Variants in BIVM observed in about 807,000 individuals in gnomAD.
BIVM encodes basic, immunoglobulin-like variable motif containing, also known as basic immunoglobulin-like variable motif-containing protein.
Under a neutral mutation model 61.4 loss-of-function variants are expected in BIVM, and 31 were observed. That is an observed-to-expected ratio of 0.51 (90% confidence interval 0.38 to 0.68). The LOEUF is 0.68. BIVM is among the 30% of genes least tolerant of loss of function. The pLI, the probability that BIVM is intolerant of heterozygous loss-of-function variation, is 0.00. For synonymous variants in BIVM, 189 were observed against 210.7 expected (o/e 0.90, Z 0.89); for missense variants, 526 against 596.0 (o/e 0.88, Z 1.22).
At chr13:102,829,264 T>C (rs1880890068) in intron 7 of BIVM, among the ~76,000 whole-genome samples, 1 of 152,104 alleles carries the variant, frequency 6.6e-6, no homozygotes. Context: ...AGAAACATAA[T>C]CTCAAAGGGA....
At chr13:102,831,886 A>C (rs1881108186) in intron 8 of BIVM, among the ~76,000 whole-genome samples, 189 bp downstream of exon 8, 1 of 151,398 alleles carries the variant, frequency 6.6e-6, no homozygotes, top group Admixed American at 6.6e-5. Flanking sequence ...AAAAAAAAAA[A>C]AAAAAAAAAT....
rs535548993 is a variant in BIVM, at chr13:102,833,480, A to G, written c.1035-986A>G. ...GTAGCTGGAACTACAGGTACACACC[A>G]CCATACTTGGCTAATTTTGAGATGG... is the stretch of plus-strand genomic sequence containing the variant. On this transcript the variant is annotated intron_variant, in intron 8 of 10. Coordinates refer to ENST00000257336, the MANE Select transcript of BIVM (RefSeq NM_017693.4). Among the ~76,000 whole-genome samples, 288 of 151,868 alleles carry G rather than the reference A, an allele frequency of 1.9e-3. 3 individuals carry two copies. The highest frequency in any genetic ancestry group is 6.7e-3 in the African/African-American group (278 of 41,412).
intron 3 of BIVM, among the ~76,000 whole-genome samples, chr13:102,808,833 G>A (rs1879285424): frequency 6.6e-6 from 1 of 152,060 alleles, no homozygotes; most frequent in African/African-American, 2.4e-5. Flanking sequence ...AAATTTGGGG[G>A]CTTAAAGTTA....
intron 5 of BIVM, 62 bp downstream of exon 5, chr13:102,821,194 T>C (rs759900997): frequency 2.9e-5 from 42 of 1,433,624 alleles, no homozygotes; most frequent in Non-Finnish European, 3.8e-5. Context: ...GCTTTTTCTA[T>C]AACAGAAAAA....
chr13:102,831,088 G>A (rs1042074470), intron 7 of BIVM, among the ~76,000 whole-genome samples: 4 of 152,070 alleles, frequency 2.6e-5, no homozygotes, highest in African/African-American at 7.2e-5. Context: ...ATATATATTA[G>A]AACTTCTATA....
At chr13:102,808,153 T>C (rs975020042) in intron 3 of BIVM, among the ~76,000 whole-genome samples, 4 of 152,200 alleles carry the variant, frequency 2.6e-5, no homozygotes, top group African/African-American at 9.7e-5. Flanking sequence ...TAGCTTTTTT[T>C]GTTGTTAAAA....
intron 7 of BIVM, among the ~76,000 whole-genome samples, chr13:102,828,631 T>C (rs1400303526): frequency 6.6e-6 from 1 of 152,194 alleles, no homozygotes; most frequent in Non-Finnish European, 1.5e-5. Flanking sequence ...CTTTCCTCTT[T>C]AGGAGCTGTT....
intron 3 of BIVM, among the ~76,000 whole-genome samples, chr13:102,812,573 C>T (rs1879573786): frequency 6.6e-6 from 1 of 152,094 alleles, no homozygotes; most frequent in African/African-American, 2.4e-5. Context: ...TGGTAATCAA[C>T]CTGAGGTATA....
chr13:102,806,206 T>A (rs939898858), intron 2 of BIVM, among the ~76,000 whole-genome samples: 1 of 152,208 alleles, frequency 6.6e-6, no homozygotes, highest in African/African-American at 2.4e-5. Context: ...GATTTGTATT[T>A]CCATGATGGC....
intron 3 of BIVM, among the ~76,000 whole-genome samples, chr13:102,813,494 AT>A (rs1879641736): frequency 6.6e-6 from 1 of 152,132 alleles, no homozygotes; most frequent in Non-Finnish European, 1.5e-5. Context: ...TTACAAGAGC[AT>A]TTTATCTATG....
At position 102,821,743 on chromosome 13, in the gene BIVM, C is replaced by T. The variant is rs377757672; in HGVS notation, c.702C>T (p.Asn234=). ...AAGGCAATGAATGTTTCTTTTGTAG[C>T]CTTCCACCTATTACCCAAGAAGAAG... ...NFLYSTMGAG[N]LPPITQEEAL... is the part of the protein sequence containing the mutation. Residue 234 remains asparagine, a splice_region_variant and synonymous_variant, in exon 6 of 11, where the codon AAC becomes AAT. Coordinates refer to ENST00000257336, the MANE Select transcript of BIVM (RefSeq NM_017693.4). 4 of 1,612,108 alleles carry T rather than the reference C, an allele frequency of 2.5e-6. No individual in the cohort carries two copies. The East Asian group carries it at 8.9e-5, about 36-fold the overall frequency.
chr13:102,831,390 G>A (rs1881056055), intron 7 of BIVM, among the ~76,000 whole-genome samples, 175 bp from the exon 8 acceptor site: 1 of 152,192 alleles, frequency 6.6e-6, no homozygotes. Context: ...GAGTAAAACA[G>A]AATACATTTA....
In BIVM at chr13:102,799,623, G is replaced by A. The variant is rs867880343; in HGVS notation, c.-207+102G>A. On this transcript the variant is annotated intron_variant, in intron 1 of 10. Coordinates refer to ENST00000257336, the MANE Select transcript of BIVM (RefSeq NM_017693.4). ...CTGGGCGCCGCCAGCCCGGCCTGCT[G>A]CCGCTCTACGCGCAGCCACCTGGGC... 3.9e-5 allele frequency: 6 copies of A among 152,254 alleles called. No individual in the cohort carries two copies. In the South Asian group the frequency reaches 6.2e-4, roughly 16 times the overall value. The allele number at this position is 152,254 out of a possible 1,614,324, so 9.4% of individuals were successfully genotyped here.
At position 102,841,091 on chromosome 13, in the gene BIVM, T is replaced by G. The variant is rs1328618427; in HGVS notation, c.*1226T>G. Reference sequence around the variant, plus strand: ...AGCTGTTTGAAGTGAGTATTAAATATTTCAGAAGTGTGAATTTCATGTATT... The same window carrying G: ...AGCTGTTTGAAGTGAGTATTAAATAGTTCAGAAGTGTGAATTTCATGTATT... On this transcript the variant is annotated 3_prime_UTR_variant, in exon 11 of 11. Transcript: ENST00000257336. The G allele has an allele frequency of 6.6e-6, 1 of 152,656 alleles. No homozygotes were observed. The highest frequency in any genetic ancestry group is 1.5e-5 in the Non-Finnish European group (1 of 68,040). The allele number at this position is 152,656 out of a possible 1,614,324, so 9.5% of individuals were successfully genotyped here.
chr13:102,799,967 G>A (rs1046658896), intron 1 of BIVM, among the ~76,000 whole-genome samples: 1 of 152,150 alleles, frequency 6.6e-6, no homozygotes, highest in Non-Finnish European at 1.5e-5. Context: ...GCCAGCACCC[G>A]GGTCTGGGCC....
intron 1 of BIVM, among the ~76,000 whole-genome samples, chr13:102,802,974 C>T (rs993342964): frequency 1.5e-4 from 22 of 151,702 alleles, no homozygotes; most frequent in Non-Finnish European, 3.1e-4. Context: ...GGAAGCTTAC[C>T]CCCAACTTTT....
chr13:102,839,907 C>G lies in BIVM; in HGVS notation c.*42C>G, dbSNP rs747317953. 3 of 1,566,112 alleles carry G rather than the reference C, an allele frequency of 1.9e-6. No individual in the cohort carries two copies. Among genetic ancestry groups the G allele is most frequent in the Non-Finnish European group, 2.6e-6 (3 of 1,157,300 alleles). The stretch of plus-strand genomic sequence containing the variant: ...ACAGCTGGCATTATATATGAAACTG[C>G]TATATACAGGACTGTATAAAGACAG... On this transcript the variant is annotated 3_prime_UTR_variant, in exon 11 of 11. Transcript: ENST00000257336.
At chr13:102,817,172 A>G (rs2139187857) in intron 4 of BIVM, among the ~76,000 whole-genome samples, 1 of 152,176 alleles carries the variant, frequency 6.6e-6, no homozygotes, top group East Asian at 1.9e-4. Context: ...TAAAAATTCT[A>G]TTATTTTAAT....
chr13:102,823,706 G>A (rs1198883593), intron 7 of BIVM, among the ~76,000 whole-genome samples: 2 of 152,134 alleles, frequency 1.3e-5, no homozygotes, highest in Non-Finnish European at 2.9e-5. Flanking sequence ...CTCTTCAGCT[G>A]TGTCTAGTTT....
Sources: gnomAD v4.1 joint callset for allele counts (sites outside exome capture counted in the v4.1 genomes callset) on GRCh38, gnomAD v4.1.1 for gene constraint, MANE v1.5 for transcripts, NCBI Gene and HGNC (gene_info 2026-07-23, HGNC 2026-07-21) for gene names.